ITGA11: variants seen among roughly 807,000 people sequenced by gnomAD.
ITGA11 encodes integrin subunit alpha 11, also known as integrin alpha-11.
A neutral mutation model predicts 141.9 loss-of-function variants in ITGA11; 97 were observed. That is an observed-to-expected ratio of 0.68 (90% CI 0.58 to 0.81). The LOEUF (loss-of-function observed/expected upper bound fraction) is 0.81, where lower values mean the gene tolerates loss of function less well. ITGA11 is among the 30% of genes least tolerant of loss of function. The probability of loss-of-function intolerance (pLI) is 0.00; values close to 1 mark genes in which losing one functional copy is unlikely to be tolerated. For synonymous variants in ITGA11, 658 were observed against 624.6 expected, an observed-to-expected ratio of 1.05 and a Z score of -0.80; for missense variants, 1,387 against 1,559.2, an observed-to-expected ratio of 0.89 and a Z score of 1.86.
chr15:68,314,250 G>C (rs1264385499), intron 22 of ITGA11, among the ~76,000 whole-genome samples: 1 of 152,206 alleles, frequency 6.6e-6, no homozygotes, highest in African/African-American at 2.4e-5. Flanking sequence ...TGTGGCAAAG[G>C]CTGTGCCCAC....
At chr15:68,397,927 A>T (rs1185584412) in intron 2 of ITGA11, among the ~76,000 whole-genome samples, 1 of 149,748 alleles carries the variant, frequency 6.7e-6, no homozygotes, top group Non-Finnish European at 1.5e-5. Flanking sequence ...AAGGAGAAAT[A>T]AAATACTTTA....
At chr15:68,344,839 C>T (rs541425904) in intron 10 of ITGA11, among the ~76,000 whole-genome samples, 103 of 151,944 alleles carry the variant, frequency 6.8e-4, no homozygotes, top group African/African-American at 2.5e-3. Flanking sequence ...AAGGTTTCTG[C>T]GTAGACAAGA....
At chr15:68,371,126 T>C (rs959098205) in intron 2 of ITGA11, among the ~76,000 whole-genome samples, 4 of 152,178 alleles carry the variant, frequency 2.6e-5, no homozygotes, top group African/African-American at 9.7e-5. Context: ...CCATAACATC[T>C]GTTTGTCTAG....
intron 11 of ITGA11, among the ~76,000 whole-genome samples, chr15:68,336,770 TGTGA>T (rs912341435): frequency 1.8e-4 from 27 of 152,234 alleles, no homozygotes; most frequent in Non-Finnish European, 3.1e-4. Flanking sequence ...AATGCACGTG[TGTGA>T]GTGTGTGTGT....
Position 68,311,339 on chromosome 15 carries a change from G to A in ITGA11, c.3038C>T (p.Thr1013Ile), listed in dbSNP as rs1211402835. The A allele has an allele frequency of 5.1e-6, 8 of 1,579,304 alleles. No homozygotes were observed. The Admixed American group carries it at 1.3e-4, about 25-fold the overall frequency. ...MMMKITIPIA[T>I]RSGNRLLKLR... The stretch of plus-strand genomic sequence containing the variant: ...CTTCAGTAGGCGGTTGCCGCTCCTG[G>A]TGGCGATGGGAATGGTGATCTTCAT... Residue 1013 changes from threonine (T) to isoleucine (I), a missense_variant, in exon 25 of 30, where the codon ACC becomes ATC. Transcript: ENST00000315757.
intron 7 of ITGA11, among the ~76,000 whole-genome samples, chr15:68,355,859 A>G (rs921223968): frequency 2.9e-4 from 44 of 152,130 alleles, no homozygotes; most frequent in African/African-American, 4.8e-5. Flanking sequence ...AGCAGAATTC[A>G]TATTTATAGG....
chr15:68,325,220 G>A lies in ITGA11; in HGVS notation c.2233C>T (p.Pro745Ser). The change falls in exon 18 of 30, where the codon CCA (proline) becomes TCA (serine). Residue 745 changes from proline (P) to serine (S), a missense_variant. Pro to Ser is a moderately conservative substitution (Grantham distance 74, BLOSUM62 -1). Coordinates refer to ENST00000315757, the MANE Select transcript of ITGA11 (RefSeq NM_001004439.2). The surrounding 1 kb of genome is among the most constrained non-coding windows in gnomAD (Gnocchi z 5.5). ...HVLDTADYVKPVTFSVEYSLE... is the reference protein window; with the variant it reads ...HVLDTADYVKSVTFSVEYSLE... ...GAATACTCGACTGAGAAGGTCACTG[G>A]CTTCACGTAGTCAGCAGTGTCCTGG... is the stretch of plus-strand genomic sequence containing the variant. The A allele has an allele frequency of 6.2e-7, 1 of 1,613,774 alleles. No individual in the cohort carries two copies. The highest frequency in any genetic ancestry group is 8.5e-7 in the Non-Finnish European group (1 of 1,179,694).
chr15:68,403,008 A>T lies in ITGA11; in HGVS notation c.74T>A (p.Met25Lys). 6.2e-7 allele frequency: 1 copy of T among 1,613,302 alleles called. No homozygotes were observed. Among genetic ancestry groups the T allele is most frequent in the Non-Finnish European group, 8.5e-7 (1 of 1,179,494 alleles). ...GATGACCCGGGGCTTCCTGGTGTCC[A>T]TGTTGAAGGTGTCCGTGAACCCTGA... ...LWPGFTDTFNMDTRKPRVIPG... is the reference protein window; with the variant it reads ...LWPGFTDTFNKDTRKPRVIPG... Residue 25 changes from methionine to lysine, a missense_variant, in exon 2 of 30, where the codon ATG (methionine) becomes AAG (lysine). Coordinates refer to ENST00000315757, the MANE Select transcript of ITGA11 (RefSeq NM_001004439.2).
Position 68,297,907 on chromosome 15 carries a change from A to C in ITGA11, c.*5152T>G. The C allele has an allele frequency of 6.6e-6, 1 of 152,184 alleles. No homozygotes were observed. 9.4% of individuals were successfully genotyped at this position (152,184 alleles called of 1,614,324 possible). A position where few individuals can be genotyped will look rare whatever the true frequency, so the allele number is the denominator to read the frequency against. On this transcript the variant is annotated 3_prime_UTR_variant, in exon 30 of 30. Transcript: ENST00000315757. ...AGCCCAGAAAGGCCACACAAGGACTATGTGTGTCGTAACTGAGAGTAGGCT... is the reference window on the plus strand; with the variant it reads ...AGCCCAGAAAGGCCACACAAGGACTCTGTGTGTCGTAACTGAGAGTAGGCT...
chr15:68,335,685 C>T lies in ITGA11; in HGVS notation c.1425+12G>A, dbSNP rs754736026. The T allele has an allele frequency of 1.9e-6, 3 of 1,613,086 alleles. No homozygotes were observed. The highest frequency in any genetic ancestry group is 1.7e-5 in the Admixed American group (1 of 59,938). The stretch of plus-strand genomic sequence containing the variant: ...TTCCCTCCATCCCGGCCCCAGGCTC[C>T]CCCTCCATTACCTGCTGGCCCCGCA... On this transcript the variant is annotated intron_variant, in intron 12 of 29. Coordinates refer to ENST00000315757, the MANE Select transcript of ITGA11 (RefSeq NM_001004439.2). The surrounding 1 kb of genome is among the most constrained non-coding windows in gnomAD (Gnocchi z 4.9).
Position 68,315,718 on chromosome 15 carries a change from G to C in ITGA11, c.2725C>G (p.Arg909Gly), listed in dbSNP as rs757193443. ...GATTTGCTGAACTCAAAATCAAGAC[G>C]GAAAGCCACCTGCAAGGAAGCAGTC... ...FFRAKAKVAF[R>G]LDFEFSKSIF... Residue 909 changes from arginine to glycine, a missense_variant, in exon 22 of 30, where the codon CGT (arginine) becomes GGT (glycine). Physicochemically the swap from Arg to Gly is moderately radical, Grantham distance 125 (BLOSUM62 -2). Coordinates refer to ENST00000315757, the MANE Select transcript of ITGA11 (RefSeq NM_001004439.2). 2 of 1,611,438 alleles carry C rather than the reference G, an allele frequency of 1.2e-6. No homozygotes were observed. The highest frequency in any genetic ancestry group is 1.7e-6 in the Non-Finnish European group (2 of 1,178,700).
chr15:68,362,820 G>A (rs916876446), intron 4 of ITGA11, among the ~76,000 whole-genome samples: 3 of 151,868 alleles, frequency 2.0e-5, no homozygotes, highest in Admixed American at 6.6e-5. Flanking sequence ...ATAGATGATG[G>A]ATGAATTAGT....
chr15:68,406,688 C>T (rs148816440), intron 1 of ITGA11, among the ~76,000 whole-genome samples: 19 of 152,326 alleles, frequency 1.2e-4, no homozygotes, highest in African/African-American at 3.4e-4. Context: ...GTCCTCACTG[C>T]TCTATCCTCA....
At chr15:68,341,084 G>C (rs954780524) in intron 10 of ITGA11, among the ~76,000 whole-genome samples, 24 of 152,292 alleles carry the variant, frequency 1.6e-4, no homozygotes, top group African/African-American at 5.1e-4. Flanking sequence ...TCTTATCAAA[G>C]GGTTAACAAA....
At chr15:68,351,589 G>A (rs994183113) in intron 7 of ITGA11, among the ~76,000 whole-genome samples, 187 bp from the exon 8 acceptor site, 2 of 152,228 alleles carry the variant, frequency 1.3e-5, no homozygotes, top group African/African-American at 4.8e-5. Flanking sequence ...TTCACCAGCT[G>A]CTCAGAGGGT....
At chr15:68,382,481 G>A (rs974015869) in intron 2 of ITGA11, among the ~76,000 whole-genome samples, 1 of 152,116 alleles carries the variant, frequency 6.6e-6, no homozygotes, top group Non-Finnish European at 1.5e-5. Context: ...TTAACACAAG[G>A]ACATCCAGCT....
chr15:68,398,503 A>T (rs1277614805), intron 2 of ITGA11, among the ~76,000 whole-genome samples: 3 of 151,228 alleles, frequency 2.0e-5, no homozygotes, highest in African/African-American at 7.3e-5. Context: ...TTCATAAAGG[A>T]AGTCCTGAGT....
At chr15:68,345,347 G>A (rs776926872) in intron 10 of ITGA11, among the ~76,000 whole-genome samples, 11 of 152,072 alleles carry the variant, frequency 7.2e-5, no homozygotes, top group Non-Finnish European at 1.6e-4. Context: ...CCAGCTACCC[G>A]GGTTTTCCCA....
At position 68,328,950 on chromosome 15, in the gene ITGA11, G is replaced by T. The variant is rs953391816; in HGVS notation, c.1902-688C>A. 6.6e-6 allele frequency among the ~76,000 whole-genome samples: 1 copy of T among 152,130 alleles called. No individual in the cohort carries two copies. The highest frequency in any genetic ancestry group is 2.4e-5 in the African/African-American group (1 of 41,412). On this transcript the variant is annotated intron_variant, in intron 15 of 29. Transcript: ENST00000315757. The surrounding 1 kb of genome is among the most constrained non-coding windows in gnomAD (Gnocchi z 4.8). ...GAAATACAAATTTACCCTTATACCG[G>T]CCTAAGTCAAATGTAATTAGGAACG... is the stretch of plus-strand genomic sequence containing the variant.
Sources: allele counts gnomAD v4.1 joint callset (sites outside exome capture counted in the v4.1 genomes callset), GRCh38; gene constraint gnomAD v4.1.1; non-coding constraint Gnocchi (gnomAD v3.1); transcripts MANE v1.5; gene names NCBI Gene and HGNC (gene_info 2026-07-23, HGNC 2026-07-21).